The following TECTA variants were observed in gnomAD, a reference collection of about 807,000 sequenced individuals.
The protein encoded by TECTA is alpha-tectorin.
In TECTA, 128 loss-of-function variants were observed where a neutral mutation model predicts 216.8. The observed-to-expected ratio is 0.59, with a 90% CI of 0.51 to 0.68. The LOEUF (loss-of-function observed/expected upper bound fraction) is 0.68. Among genes scored for constraint, TECTA ranks in the 30% least tolerant of loss-of-function variants. The pLI is 0.00. For missense variants in TECTA, 2,551 were observed against 2,786.2 expected (o/e 0.92, Z 1.90); for synonymous variants, 1,089 against 1,117.1 (o/e 0.97, Z 0.50).
At chr11:121,177,468 C>A (rs1947179141) in intron 20 of TECTA, among the ~76,000 whole-genome samples, 1 of 152,186 alleles carries the variant, frequency 6.6e-6, no homozygotes, top group South Asian at 2.1e-4. Context: ...TGGGTACCAG[C>A]AGTGGTGGCT....
At chr11:121,120,065 T>C (rs1419579376) in intron 7 of TECTA, among the ~76,000 whole-genome samples, 1 of 152,238 alleles carries the variant, frequency 6.6e-6, no homozygotes, top group Non-Finnish European at 1.5e-5. Flanking sequence ...TTCCTGTATT[T>C]GGGGATGATG....
chr11:121,145,662 T>A lies in TECTA; in HGVS notation c.3651T>A (p.Val1217=). Residue 1217 remains valine (V), a synonymous_variant, in exon 12 of 24, where the codon GTT becomes GTA. Coordinates refer to ENST00000392793, the MANE Select transcript of TECTA (RefSeq NM_005422.4). The stretch of plus-strand genomic sequence containing the variant: ...TGGAAACTGATTTTGGCCTGAAGGT[T>A]GTATATGACTGGAAGACCTTCCTGT... ...VVVETDFGLK[V]VYDWKTFLSI... The A allele has an allele frequency of 1.9e-6, 3 of 1,614,232 alleles. No individual in the cohort carries two copies. The highest frequency in any genetic ancestry group is 1.3e-5 in the African/African-American group (1 of 75,048).
intron 10 of TECTA, among the ~76,000 whole-genome samples, chr11:121,133,427 G>A (rs1946694295): frequency 6.6e-6 from 1 of 152,198 alleles, no homozygotes; most frequent in East Asian, 1.9e-4. Context: ...TCAGTTGACT[G>A]AGCAATGTTC....
intron 20 of TECTA, among the ~76,000 whole-genome samples, chr11:121,186,858 T>C (rs1947293413): frequency 6.6e-6 from 1 of 152,254 alleles, no homozygotes; most frequent in African/African-American, 2.4e-5. Context: ...TTAGCTCCTA[T>C]GGGCCAGCCT....
At chr11:121,141,891 T>A (rs1398618037) in intron 11 of TECTA, among the ~76,000 whole-genome samples, 1 of 152,168 alleles carries the variant, frequency 6.6e-6, no homozygotes, top group Non-Finnish European at 1.5e-5. Flanking sequence ...TTAATGTCCA[T>A]GTAACATGAA....
In TECTA at chr11:121,153,063, G is replaced by T; in HGVS notation, c.4288G>T (p.Asp1430Tyr). 1 of 1,613,924 alleles carries T rather than the reference G, an allele frequency of 6.2e-7. No individual in the cohort carries two copies. Among genetic ancestry groups the T allele is most frequent in the Non-Finnish European group, 8.5e-7 (1 of 1,179,930 alleles). ...GCCCCACAGCTGCGGCTGCTACTCC[G>T]ATGGCAAATATTACGAGGTATGGGA... ...ILPHSCGCYS[D>Y]GKYYEPKQLF... The change falls in exon 13 of 24, where the codon GAT becomes TAT. Residue 1430 changes from aspartate (D) to tyrosine (Y), a missense_variant. This residue lies in a region of TECTA where 2,375 missense variants were observed against 2,563.9 expected (regional missense o/e 0.93). Coordinates refer to ENST00000392793, the MANE Select transcript of TECTA (RefSeq NM_005422.4).
chr11:121,168,272 G>T, intron 19 of TECTA, 55 bp downstream of exon 19: 1 of 1,609,942 alleles, frequency 6.2e-7, no homozygotes, highest in Non-Finnish European at 8.5e-7. Context: ...GACAGTTAAG[G>T]TTAGCATAAT....
At chr11:121,134,341 A>ACACACACACACACACACACACACACG (rs1946704409) in intron 10 of TECTA, among the ~76,000 whole-genome samples, 1 of 151,698 alleles carries the variant, frequency 6.6e-6, no homozygotes, top group African/African-American at 2.4e-5. Flanking sequence ...ACACACACAC[A>ACACACACACACACACACACACACACG]CACACACGCA....
chr11:121,111,198 A>G (rs1452200659), intron 4 of TECTA, among the ~76,000 whole-genome samples: 1 of 152,226 alleles, frequency 6.6e-6, no homozygotes, highest in African/African-American at 2.4e-5. Flanking sequence ...TTTGCATATC[A>G]TTTAACCCTC....
At chr11:121,149,441 C>T (rs12575628) in intron 12 of TECTA, among the ~76,000 whole-genome samples, 22,033 of 152,256 alleles carry the variant, frequency 0.14, 1,834 homozygotes, top group South Asian at 0.33. Flanking sequence ...GTGACTACAA[C>T]TATTACTACT....
chr11:121,153,211 G>C, intron 13 of TECTA, 131 bp downstream of exon 13: 2 of 1,088,968 alleles, frequency 1.8e-6, no homozygotes, highest in Non-Finnish European at 2.7e-6. Flanking sequence ...CAGGGGAATG[G>C]GATGGGGGGT....
chr11:121,149,915 A>G (rs547833367), intron 12 of TECTA, among the ~76,000 whole-genome samples: 59 of 152,312 alleles, frequency 3.9e-4, no homozygotes, highest in African/African-American at 1.4e-3. Context: ...GCCATCTGTC[A>G]TGTTCTCAGC....
intron 6 of TECTA, among the ~76,000 whole-genome samples, chr11:121,114,654 CACCT>C (rs1327069765): frequency 1.1e-4 from 14 of 122,960 alleles, no homozygotes; most frequent in African/African-American, 3.5e-4. Context: ...CCCATCCATC[CACCT>C]ACCCACCCAC....
intron 16 of TECTA, among the ~76,000 whole-genome samples, chr11:121,163,782 C>T (rs580683): frequency 0.26 from 39,098 of 152,092 alleles, 6,162 homozygotes; most frequent in African/African-American, 0.44. Context: ...TGTAAATAAA[C>T]GTGTCCTTCC....
At chr11:121,135,368 G>C (rs1289352511) in intron 10 of TECTA, among the ~76,000 whole-genome samples, 1 of 152,188 alleles carries the variant, frequency 6.6e-6, no homozygotes, top group Non-Finnish European at 1.5e-5. Flanking sequence ...CAGACTTTCA[G>C]ACAAATTCAG....
chr11:121,110,190 G>A (rs1325307547), intron 4 of TECTA: 1 of 153,262 alleles, frequency 6.5e-6, no homozygotes, highest in African/African-American at 2.4e-5. Flanking sequence ...TACATAAAGG[G>A]ACAGAATGCA....
chr11:121,108,485 A>G (rs565899286), intron 3 of TECTA, among the ~76,000 whole-genome samples: 4 of 141,024 alleles, frequency 2.8e-5, no homozygotes, highest in African/African-American at 1.1e-4. Context: ...ATACACACCC[A>G]CTCCAGTATG....
chr11:121,156,407 G>A (rs780801877), intron 13 of TECTA, among the ~76,000 whole-genome samples: 1 of 152,058 alleles, frequency 6.6e-6, no homozygotes, highest in African/African-American at 2.4e-5. Context: ...GTAATGGCAC[G>A]ATCTAGGCTC....
chr11:121,166,531 C>T (rs1379866969), intron 17 of TECTA, 47 bp from the exon 18 acceptor site: 1 of 1,604,180 alleles, frequency 6.2e-7, no homozygotes, highest in Non-Finnish European at 8.5e-7. Flanking sequence ...ACTCCTGCAG[C>T]AAGACCGACT....
Sources: allele counts gnomAD v4.1 joint callset (sites outside exome capture counted in the v4.1 genomes callset), GRCh38; gene constraint gnomAD v4.1.1; regional missense constraint gnomAD v4.1.1; transcripts MANE v1.5; gene names NCBI Gene and HGNC (gene_info 2026-07-23, HGNC 2026-07-21).